Variants in ARHGEF10 observed in about 807,000 individuals in gnomAD.
ARHGEF10 encodes the protein Rho guanine nucleotide exchange factor 10.
Under a neutral mutation model 147.4 loss-of-function variants are expected in ARHGEF10, and 140 were observed. That is an observed-to-expected ratio of 0.95 (90% CI 0.83 to 1.09). The LOEUF (loss-of-function observed/expected upper bound fraction) is 1.09, where lower values mean the gene tolerates loss of function less well. Among genes scored for constraint, ARHGEF10 ranks in the 50% least tolerant of loss-of-function variants. ARHGEF10 has a pLI of 0.00. For synonymous variants in ARHGEF10, 902 were observed against 695.8 expected (o/e 1.30, Z -4.67); for missense variants, 2,222 against 1,752.7 (o/e 1.27, Z -4.78).
At chr8:1,886,918 A>AC (rs1003347058) in intron 11 of ARHGEF10, among the ~76,000 whole-genome samples, 2 of 152,128 alleles carry the variant, frequency 1.3e-5, no homozygotes, top group Non-Finnish European at 2.9e-5. Flanking sequence ...CCACACGTCC[A>AC]GGGGGGTGGT....
rs186198218 is a variant in ARHGEF10, at chr8:1,910,437, A to G, written c.2143+967A>G. 4.6e-4 allele frequency among the ~76,000 whole-genome samples: 70 copies of G among 152,300 alleles called. No individual in the cohort carries two copies. In the East Asian group the frequency reaches 0.012, roughly 26 times the overall value. On this transcript the variant is annotated intron_variant, in intron 18 of 28. Coordinates refer to ENST00000349830, the MANE Select transcript of ARHGEF10 (RefSeq NM_014629.4). ...TGTTTGGTAATCTGCCTAGTAGGCTAATTCGTCAAGCATATTATTACAATT... is the reference window on the plus strand; with the variant it reads ...TGTTTGGTAATCTGCCTAGTAGGCTGATTCGTCAAGCATATTATTACAATT...
chr8:1,907,727 T>C (rs552141397), intron 17 of ARHGEF10, among the ~76,000 whole-genome samples: 10 of 152,238 alleles, frequency 6.6e-5, no homozygotes, highest in Non-Finnish European at 1.5e-4. Context: ...TTTCCCACGA[T>C]GCCAGGGCTT....
At chr8:1,905,984 G>C (rs922368218) in intron 17 of ARHGEF10, among the ~76,000 whole-genome samples, 2 of 152,156 alleles carry the variant, frequency 1.3e-5, no homozygotes, top group Non-Finnish European at 2.9e-5. Context: ...AAACTCAATT[G>C]AATTTCTTCA....
At chr8:1,879,457 G>A (rs543156858) in intron 8 of ARHGEF10, among the ~76,000 whole-genome samples, 7 of 152,136 alleles carry the variant, frequency 4.6e-5, no homozygotes, top group South Asian at 2.1e-4. Context: ...TTTTGTGTGC[G>A]TGCATTTGCT....
At chr8:1,939,707 G>A (rs908132867) in intron 26 of ARHGEF10, among the ~76,000 whole-genome samples, 28 of 152,232 alleles carry the variant, frequency 1.8e-4, no homozygotes, top group Admixed American at 1.8e-3. Flanking sequence ...GATGCATCAG[G>A]CTTCGAGACT....
At chr8:1,835,921 C>G (rs961611721) in intron 1 of ARHGEF10, among the ~76,000 whole-genome samples, 2 of 152,194 alleles carry the variant, frequency 1.3e-5, no homozygotes, top group African/African-American at 4.8e-5. Context: ...GTGGCTCACA[C>G]CTGTAATCCC....
At chr8:1,882,213 G>T (rs1265551568) in intron 9 of ARHGEF10, among the ~76,000 whole-genome samples, 1 of 152,252 alleles carries the variant, frequency 6.6e-6, no homozygotes, top group Non-Finnish European at 1.5e-5. Flanking sequence ...TCAACAGCTG[G>T]CCATGCCCCC....
At chr8:1,827,120 C>T (rs1471366422) in intron 1 of ARHGEF10, among the ~76,000 whole-genome samples, 6 of 152,198 alleles carry the variant, frequency 3.9e-5, no homozygotes, top group African/African-American at 2.4e-5. Context: ...GCAGGGTTAC[C>T]TGTAAGGACA....
chr8:1,875,601 G>C (rs1807631380), intron 7 of ARHGEF10, among the ~76,000 whole-genome samples: 1 of 152,208 alleles, frequency 6.6e-6, no homozygotes, highest in South Asian at 2.1e-4. Context: ...CGCATTTTAT[G>C]GCTTTGCCAG....
At chr8:1,893,532 G>GCA in intron 11 of ARHGEF10, 37 bp from the exon 12 acceptor site, 2 of 1,346,356 alleles carry the variant, frequency 1.5e-6, no homozygotes, top group Non-Finnish European at 2.1e-6. Context: ...GTATTATAAA[G>GCA]CAGTTTTCTA....
chr8:1,903,814 C>G (rs1810673027), intron 16 of ARHGEF10: 2 of 336,982 alleles, frequency 5.9e-6, no homozygotes, highest in Non-Finnish European at 1.1e-5. Flanking sequence ...TATTTACAGG[C>G]TAGGCACAGT....
At position 1,842,206 on chromosome 8, in the gene ARHGEF10, G is replaced by A. The variant is rs145352981; in HGVS notation, c.-47-1147G>A. ...AGGTTCAGGGCTGGGAATACAGGAA[G>A]GCAGAAGGGCGGGCACTGGGCTGGG... On this transcript the variant is annotated intron_variant, in intron 1 of 28. Coordinates refer to ENST00000349830, the MANE Select transcript of ARHGEF10 (RefSeq NM_014629.4). 3.1e-3 allele frequency among the ~76,000 whole-genome samples: 466 copies of A among 152,126 alleles called. 1 individual carries two copies. The highest frequency in any genetic ancestry group is 0.011 in the African/African-American group (447 of 41,500).
chr8:1,928,732 T>C, intron 24 of ARHGEF10, 82 bp downstream of exon 24: 1 of 1,494,550 alleles, frequency 6.7e-7, no homozygotes, highest in Non-Finnish European at 9.2e-7. Context: ...CTGGAAAGAG[T>C]CCTTGACTTT....
chr8:1,900,898 C>T lies in ARHGEF10; in HGVS notation c.1650+2373C>T, dbSNP rs557556741. On this transcript the variant is annotated intron_variant, in intron 15 of 28. Transcript: ENST00000349830. ...GAATTTCCCACACAGGGTCTGTTGC[C>T]CCTGAAGGAGAAAATGGTCTTTGCC... is the stretch of plus-strand genomic sequence containing the variant. 2.6e-5 allele frequency among the ~76,000 whole-genome samples: 4 copies of T among 152,248 alleles called. No individual in the cohort carries two copies. The South Asian group carries it at 8.3e-4, about 32-fold the overall frequency.
rs936210870 is a variant in ARHGEF10 at position 1,903,367 on chromosome 8, G to C, written c.1737G>C (p.Lys579Asn). The C allele has an allele frequency of 6.2e-7, 1 of 1,614,062 alleles. No homozygotes were observed. The highest frequency in any genetic ancestry group is 1.1e-5 in the South Asian group (1 of 91,090). Residue 579 changes from lysine to asparagine, a missense_variant, in exon 16 of 29, where the codon AAG becomes AAC. Lys to Asn is a moderately conservative substitution (Grantham distance 94). Coordinates refer to ENST00000349830, the MANE Select transcript of ARHGEF10 (RefSeq NM_014629.4). ...ALTELETLAE[K>N]LNERKRDADQ... ...CAGAGCTCGAAACACTAGCAGAGAA[G>C]TTAAATGAAAGAAAGAGAGATGCTG... is the stretch of plus-strand genomic sequence containing the variant.
At chr8:1,838,959 G>A (rs975347469) in intron 1 of ARHGEF10, among the ~76,000 whole-genome samples, 11 of 151,322 alleles carry the variant, frequency 7.3e-5, no homozygotes, top group African/African-American at 2.2e-4. Context: ...TGGCATGGAA[G>A]CTGTCTGGCG....
chr8:1,903,266 C>G lies in ARHGEF10; in HGVS notation c.1651-15C>G, dbSNP rs973387493. 5 of 1,614,012 alleles carry G rather than the reference C, an allele frequency of 3.1e-6. No homozygotes were observed. The highest frequency in any genetic ancestry group is 4.2e-6 in the Non-Finnish European group (5 of 1,180,010). On this transcript the variant is annotated splice_polypyrimidine_tract_variant and intron_variant, in intron 15 of 28. Coordinates refer to ENST00000349830, the MANE Select transcript of ARHGEF10 (RefSeq NM_014629.4). ...TCCACGTGGTAACTGCCCACCTCTC[C>G]CCTGTTGCTTGTAGGACATGCTGAA...
At chr8:1,935,641 C>G (rs1323189101) in intron 26 of ARHGEF10, among the ~76,000 whole-genome samples, 1 of 152,232 alleles carries the variant, frequency 6.6e-6, no homozygotes, top group Admixed American at 6.5e-5. Context: ...CTCATAACGT[C>G]TTCCTGGCAA....
intron 25 of ARHGEF10, among the ~76,000 whole-genome samples, 157 bp downstream of exon 25, chr8:1,929,600 T>A (rs762798058): frequency 5.3e-5 from 8 of 152,158 alleles, no homozygotes; most frequent in Non-Finnish European, 1.0e-4. Flanking sequence ...CCGGGTGCCT[T>A]GCTTCTTCCC....
Sources: allele counts gnomAD v4.1 joint callset (sites outside exome capture counted in the v4.1 genomes callset), GRCh38; gene constraint gnomAD v4.1.1; transcripts MANE v1.5; gene names NCBI Gene and HGNC (gene_info 2026-07-23, HGNC 2026-07-21).